Variants in COL19A1 observed in about 807,000 individuals in gnomAD.
COL19A1 encodes collagen type XIX alpha 1 chain.
Under a neutral mutation model 190.2 loss-of-function variants are expected in COL19A1, and 159 were observed. The observed-to-expected ratio is 0.84, with a 90% confidence interval of 0.73 to 0.95. COL19A1 has a LOEUF of 0.95. COL19A1 is among the 40% of genes least tolerant of loss of function. COL19A1 has a pLI of 0.00. For missense variants in COL19A1, 1,418 were observed against 1,431.9 expected (o/e 0.99, Z 0.16); for synonymous variants, 509 against 458.9 (o/e 1.11, Z -1.39).
chr6:70,029,896 T>G (rs3793038), intron 12 of COL19A1, among the ~76,000 whole-genome samples: 14,541 of 152,208 alleles, frequency 0.096, 779 homozygotes, highest in East Asian at 0.2. Flanking sequence ...ATTTATTAAG[T>G]GCCTACCGTA....
At chr6:70,007,312 C>T (rs943368774) in intron 11 of COL19A1, among the ~76,000 whole-genome samples, 1 of 151,820 alleles carries the variant, frequency 6.6e-6, no homozygotes, top group Non-Finnish European at 1.5e-5. Context: ...AAGCAATATC[C>T]AACTATATAC....
intron 44 of COL19A1, 122 bp downstream of exon 44, chr6:70,180,645 C>A: frequency 2.0e-6 from 2 of 1,006,208 alleles, no homozygotes; most frequent in South Asian, 1.4e-5. Flanking sequence ...AAGAAGAATG[C>A]ACAGATGGAT....
chr6:70,047,027 G>A (rs1365572827), intron 14 of COL19A1, among the ~76,000 whole-genome samples: 1 of 151,882 alleles, frequency 6.6e-6, no homozygotes, highest in Non-Finnish European at 1.5e-5. Context: ...AGGTATTTGG[G>A]TTCTACCACA....
chr6:70,111,797 T>C (rs927073591), intron 16 of COL19A1, among the ~76,000 whole-genome samples: 11 of 152,160 alleles, frequency 7.2e-5, no homozygotes, highest in Non-Finnish European at 1.3e-4. Flanking sequence ...GCACAACCTA[T>C]AGATAAGGGA....
rs142194002 is a variant in COL19A1 at position 70,031,002 on chromosome 6, T to C, written c.1081-3243T>C. Among the ~76,000 whole-genome samples the C allele has an allele frequency of 8.5e-5, 13 of 152,322 alleles. No individual in the cohort carries two copies. In the East Asian group the frequency reaches 2.5e-3, roughly 29 times the overall value. On this transcript the variant is annotated intron_variant, in intron 12 of 50. Transcript: ENST00000620364. ...TGGTTTGTGGGGATTTTTGTAAACA[T>C]ATTCACATCATGTCATTTTCCTGCT...
rs773046663 is a variant in COL19A1, at chr6:70,130,209, C to T, written c.1369C>T (p.Leu457=). ...AAATGATGAACATGAAGCTGGAGGC[C>T]TGAAAGGAGACAAGGTAATCAGATT... ...KGNDEHEAGG[L]KGDKGETGLP... is the part of the protein sequence containing the mutation. Residue 457 remains leucine, a synonymous_variant, in exon 18 of 51, where the codon CTG becomes TTG. Coordinates refer to ENST00000620364, the MANE Select transcript of COL19A1 (RefSeq NM_001858.6). The T allele has an allele frequency of 6.2e-7, 1 of 1,612,368 alleles. No homozygotes were observed. The highest frequency in any genetic ancestry group is 8.5e-7 in the Non-Finnish European group (1 of 1,179,490).
chr6:69,874,961 GTC>G (rs34012241), intron 1 of COL19A1, among the ~76,000 whole-genome samples: 43,837 of 151,898 alleles, frequency 0.29, 6,455 homozygotes, highest in South Asian at 0.32. Context: ...TATTTATTGA[GTC>G]TCTGATTTTC....
At chr6:70,028,749 T>A (rs1189065722) in intron 12 of COL19A1, among the ~76,000 whole-genome samples, 3 of 152,140 alleles carry the variant, frequency 2.0e-5, no homozygotes, top group African/African-American at 7.2e-5. Context: ...ACTTTGGGGT[T>A]ATCACTCTCT....
Position 69,919,222 on chromosome 6 carries a change from G to C in COL19A1, c.267-8687G>C, listed in dbSNP as rs146690900. On this transcript the variant is annotated intron_variant, in intron 4 of 50. Transcript: ENST00000620364. ...AGCAGTCCCCACAGATCTCTGCTCT[G>C]TGCTTTCCAAGGTGAGAATTAATTA... Among the ~76,000 whole-genome samples the C allele has an allele frequency of 5.4e-4, 82 of 152,210 alleles. 1 individual carries two copies. The highest frequency in any genetic ancestry group is 2.0e-3 in the African/African-American group (81 of 41,532).
chr6:70,175,904 G>A (rs1765771585), intron 41 of COL19A1, among the ~76,000 whole-genome samples: 1 of 152,024 alleles, frequency 6.6e-6, no homozygotes, highest in African/African-American at 2.4e-5. Context: ...TTCAGTTTCT[G>A]CCCCCAAAAA....
intron 9 of COL19A1, among the ~76,000 whole-genome samples, chr6:69,955,348 CTT>C (rs1174839010): frequency 6.6e-6 from 1 of 151,978 alleles, no homozygotes; most frequent in Non-Finnish European, 1.5e-5. Flanking sequence ...TTGAATAACT[CTT>C]AGTACAACTT....
chr6:70,179,009 C>A lies in COL19A1; in HGVS notation c.2668-1303C>A, dbSNP rs539354084. Among the ~76,000 whole-genome samples, 4 of 152,248 alleles carry A rather than the reference C, an allele frequency of 2.6e-5. No individual in the cohort carries two copies. The East Asian group carries it at 7.7e-4, about 29-fold the overall frequency. On this transcript the variant is annotated intron_variant, in intron 42 of 50. Coordinates refer to ENST00000620364, the MANE Select transcript of COL19A1 (RefSeq NM_001858.6). The stretch of plus-strand genomic sequence containing the variant: ...TGTCCCTTATCTCTTTGTCTCAGAT[C>A]TCAAGGCCCGAGCCCTCTATACCCG...
At chr6:70,103,097 A>G (rs1035922482) in intron 16 of COL19A1, among the ~76,000 whole-genome samples, 1 of 152,140 alleles carries the variant, frequency 6.6e-6, no homozygotes, top group Non-Finnish European at 1.5e-5. Context: ...CCAGGCTGGT[A>G]CATTCCTTTA....
intron 16 of COL19A1, among the ~76,000 whole-genome samples, chr6:70,105,187 T>G (rs1438982708): frequency 6.6e-6 from 1 of 152,188 alleles, no homozygotes; most frequent in African/African-American, 2.4e-5. Context: ...GGAAAAAATC[T>G]ATGCAGAAGA....
chr6:70,000,950 A>G (rs1172962793), intron 11 of COL19A1, among the ~76,000 whole-genome samples: 7 of 152,180 alleles, frequency 4.6e-5, no homozygotes, highest in Admixed American at 1.3e-4. Context: ...GCCCATGCCT[A>G]TGTCCTGAAG....
In COL19A1 at chr6:70,149,919, T is replaced by A; in HGVS notation, c.1983+15T>A. The A allele has an allele frequency of 6.2e-7, 1 of 1,613,802 alleles. No homozygotes were observed. Among genetic ancestry groups the A allele is most frequent in the South Asian group, 1.1e-5 (1 of 91,076 alleles). On this transcript the variant is annotated intron_variant, in intron 29 of 50. Transcript: ENST00000620364. ...CAGGGAATGATGTAAGGACTTTCTT[T>A]ATCTACCCTCCCCCATTTTAATCTG...
intron 1 of COL19A1, among the ~76,000 whole-genome samples, chr6:69,874,513 A>T (rs927774406): frequency 6.6e-6 from 1 of 152,204 alleles, no homozygotes; most frequent in Non-Finnish European, 1.5e-5. Flanking sequence ...GCACTTTGGG[A>T]GGCCAAGGCA....
chr6:69,907,253 C>G (rs961129306), intron 4 of COL19A1, among the ~76,000 whole-genome samples: 1 of 151,860 alleles, frequency 6.6e-6, no homozygotes, highest in African/African-American at 2.4e-5. Flanking sequence ...CCTCAGCCTC[C>G]TGAGTAGCTG....
intron 25 of COL19A1, among the ~76,000 whole-genome samples, chr6:70,146,445 T>G (rs1019257654): frequency 5.9e-5 from 9 of 152,058 alleles, no homozygotes; most frequent in Non-Finnish European, 1.2e-4. Flanking sequence ...CAATATCAGG[T>G]GCCTCATTTT....
Sources: allele counts gnomAD v4.1 joint callset (sites outside exome capture counted in the v4.1 genomes callset), GRCh38; gene constraint gnomAD v4.1.1; transcripts MANE v1.5; gene names NCBI Gene and HGNC (gene_info 2026-07-23, HGNC 2026-07-21).